PRKN: variants seen among roughly 807,000 people sequenced by gnomAD.
PRKN encodes parkin RBR E3 ubiquitin protein ligase.
In PRKN, 56 loss-of-function variants were observed where a neutral mutation model predicts 59.5. That is an observed-to-expected ratio of 0.94 (90% confidence interval 0.76 to 1.18). The LOEUF (loss-of-function observed/expected upper bound fraction) is 1.18, where lower values mean the gene tolerates loss of function less well. Ranked by LOEUF, PRKN falls within the 50% of genes most tolerant of loss-of-function variation. The pLI, the probability that PRKN is intolerant of heterozygous loss-of-function variation, is 0.00. For synonymous variants in PRKN, 250 were observed against 222.1 expected (o/e 1.13, Z -1.12); for missense variants, 657 against 596.4 (o/e 1.10, Z -1.06).
intron 1 of PRKN, among the ~76,000 whole-genome samples, chr6:162,716,145 C>CA (rs758024093): frequency 4.7e-4 from 71 of 152,140 alleles, no homozygotes; most frequent in African/African-American, 1.7e-3. Context: ...CTTTTTTCAG[C>CA]AAAAAATAAA....
At chr6:162,068,568 GCCTC>G (rs1778436349) in intron 4 of PRKN, among the ~76,000 whole-genome samples, 1 of 152,144 alleles carries the variant, frequency 6.6e-6, no homozygotes, top group Admixed American at 6.5e-5. Flanking sequence ...CATTACAAGG[GCCTC>G]GGCTTTCTGC....
intron 7 of PRKN, among the ~76,000 whole-genome samples, chr6:161,571,354 G>A (rs1023216069): frequency 6.6e-6 from 1 of 152,216 alleles, no homozygotes; most frequent in Non-Finnish European, 1.5e-5. Flanking sequence ...AAACTGGATT[G>A]TATGCAGGAC....
chr6:161,402,718 A>G lies in PRKN; in HGVS notation c.1084-15841T>C, dbSNP rs538924806. Among the ~76,000 whole-genome samples, 1 of 152,242 alleles carries G rather than the reference A, an allele frequency of 6.6e-6. No homozygotes were observed. Among genetic ancestry groups the G allele is most frequent in the South Asian group, 2.1e-4 (1 of 4,824 alleles). ...CAGAACTATATCCTAGATACAGAAA[A>G]GAACAGGGGCTTGGGGATTCTTGTG... On this transcript the variant is annotated intron_variant, in intron 9 of 11. Transcript: ENST00000366898. The surrounding 1 kb of genome is among the most constrained non-coding windows in gnomAD (Gnocchi z 4.5).
intron 1 of PRKN, among the ~76,000 whole-genome samples, chr6:162,669,808 A>G (rs1225120711): frequency 6.6e-6 from 1 of 152,206 alleles, no homozygotes; most frequent in Non-Finnish European, 1.5e-5. Context: ...AATCTCTTAC[A>G]AATTTCCAAT....
At chr6:161,984,853 G>C (rs1307075812) in intron 5 of PRKN, among the ~76,000 whole-genome samples, 11 of 152,116 alleles carry the variant, frequency 7.2e-5, no homozygotes, top group African/African-American at 1.2e-4. Context: ...AAAGTTCCAC[G>C]CTGCACAGCC....
chr6:162,113,535 A>C (rs1017273025), intron 4 of PRKN, among the ~76,000 whole-genome samples: 4 of 152,216 alleles, frequency 2.6e-5, no homozygotes, highest in African/African-American at 9.6e-5. Flanking sequence ...TATGTAGTAC[A>C]TGTGTTACAG....
intron 4 of PRKN, among the ~76,000 whole-genome samples, chr6:162,073,507 C>T (rs774415614): frequency 2.0e-5 from 3 of 152,186 alleles, no homozygotes; most frequent in African/African-American, 7.2e-5. Context: ...GGCTTGAGTG[C>T]AGTGGCACGA....
At chr6:161,821,217 C>T (rs541191276) in intron 6 of PRKN, among the ~76,000 whole-genome samples, 3 of 152,134 alleles carry the variant, frequency 2.0e-5, no homozygotes, top group African/African-American at 2.4e-5. Flanking sequence ...CCTCCACCAA[C>T]ATACCCACTG....
At chr6:162,373,776 A>G (rs1785896177) in intron 2 of PRKN, among the ~76,000 whole-genome samples, 1 of 152,210 alleles carries the variant, frequency 6.6e-6, no homozygotes, top group Non-Finnish European at 1.5e-5. Context: ...CTTTGTTCAA[A>G]AAAGCACTTA....
chr6:161,969,404 G>A (rs752429108), intron 6 of PRKN, among the ~76,000 whole-genome samples: 82 of 152,032 alleles, frequency 5.4e-4, no homozygotes, highest in Non-Finnish European at 8.8e-4. Context: ...AAGGGATGGA[G>A]CCTTGGGAAG....
At chr6:162,468,278 C>G (rs1791536168) in intron 1 of PRKN, among the ~76,000 whole-genome samples, 2 of 152,156 alleles carry the variant, frequency 1.3e-5, no homozygotes, top group African/African-American at 4.8e-5. Context: ...AGACATGCTA[C>G]AAATGTTGAA....
At chr6:162,540,284 C>T (rs1385347861) in intron 1 of PRKN, among the ~76,000 whole-genome samples, 2 of 152,006 alleles carry the variant, frequency 1.3e-5, no homozygotes, top group Admixed American at 6.6e-5. Flanking sequence ...GGCTGAAGTG[C>T]AATGGTGTGA....
intron 6 of PRKN, among the ~76,000 whole-genome samples, chr6:161,952,862 A>G (rs908867618): frequency 6.6e-6 from 1 of 152,218 alleles, no homozygotes; most frequent in Admixed American, 6.5e-5. Context: ...GCATTCCTCA[A>G]TTGAGGTAAT....
chr6:162,059,900 A>G (rs1458838252), intron 4 of PRKN, among the ~76,000 whole-genome samples: 1 of 152,254 alleles, frequency 6.6e-6, no homozygotes, highest in Non-Finnish European at 1.5e-5. Flanking sequence ...AATAGTTGAA[A>G]AGCACAAAAA....
chr6:162,346,324 A>C (rs1272976545), intron 2 of PRKN, among the ~76,000 whole-genome samples: 1 of 151,938 alleles, frequency 6.6e-6, no homozygotes, highest in African/African-American at 2.4e-5. Flanking sequence ...TATTAGATTA[A>C]TGAAAATTTG....
intron 6 of PRKN, among the ~76,000 whole-genome samples, chr6:161,943,856 AG>A (rs1374201044): frequency 1.9e-5 from 1 of 51,848 alleles, no homozygotes; most frequent in Non-Finnish European, 4.7e-5. Context: ...GATCAGCCTG[AG>A]GAAGCAGCCT....
At chr6:162,362,845 C>T (rs1214317070) in intron 2 of PRKN, among the ~76,000 whole-genome samples, 1 of 152,034 alleles carries the variant, frequency 6.6e-6, no homozygotes, top group African/African-American at 2.4e-5. Flanking sequence ...ATTGTTTCCC[C>T]TGGCCAGGCG....
At chr6:162,407,406 G>A (rs186659475) in intron 2 of PRKN, among the ~76,000 whole-genome samples, 134 of 152,232 alleles carry the variant, frequency 8.8e-4, no homozygotes, top group African/African-American at 2.8e-3. Flanking sequence ...CTCCCACATC[G>A]TGAAAACAAA....
intron 1 of PRKN, among the ~76,000 whole-genome samples, chr6:162,501,531 T>A (rs1255993940): frequency 7.1e-6 from 1 of 140,924 alleles, no homozygotes; most frequent in Non-Finnish European, 1.6e-5. Flanking sequence ...TTTTTTTTTT[T>A]TATTAGTAGA....
Sources: allele counts gnomAD v4.1 joint callset (sites outside exome capture counted in the v4.1 genomes callset), GRCh38; gene constraint gnomAD v4.1.1; non-coding constraint Gnocchi (gnomAD v3.1); transcripts MANE v1.5; gene names NCBI Gene and HGNC (gene_info 2026-07-23, HGNC 2026-07-21).